The following CACNA1C variants were observed in gnomAD, a reference collection of about 807,000 sequenced individuals.
CACNA1C encodes voltage-dependent L-type calcium channel subunit alpha-1C.
CACNA1C carries 30 observed loss-of-function variants against 229.0 expected under a neutral mutation model. That is an observed-to-expected ratio of 0.13 (90% confidence interval 0.10 to 0.18). CACNA1C has a LOEUF of 0.18. Ranked by LOEUF, CACNA1C falls within the 10% of genes least tolerant of loss-of-function variation. The pLI, the probability that CACNA1C is intolerant of heterozygous loss-of-function variation, is 1.00. For missense variants in CACNA1C, 1,658 were observed against 2,845.0 expected, an observed-to-expected ratio of 0.58 and a Z score of 9.49; for synonymous variants, 1,114 against 1,132.5, an observed-to-expected ratio of 0.98 and a Z score of 0.33.
rs533190989 is a variant in CACNA1C, at chr12:2,586,800, G to A, written c.2530+896G>A. On this transcript the variant is annotated intron_variant, in intron 18 of 46. Transcript: ENST00000399655. ...CATCCTTGGGAACCAGACTCCCTGT[G>A]GTCACACCATCCTCACTCCCCTCCT... Among the ~76,000 whole-genome samples the A allele has an allele frequency of 3.3e-5, 5 of 152,256 alleles. No individual in the cohort carries two copies. The East Asian group carries it at 5.8e-4, about 18-fold the overall frequency.
At chr12:2,555,874 G>A (rs1382221719) in intron 10 of CACNA1C, among the ~76,000 whole-genome samples, 2 of 152,054 alleles carry the variant, frequency 1.3e-5, no homozygotes, top group African/African-American at 2.4e-5. Context: ...GCTGTGTGCC[G>A]CGCTGGGACG....
chr12:2,604,184 G>T (rs747832041), intron 22 of CACNA1C, among the ~76,000 whole-genome samples: 1 of 152,200 alleles, frequency 6.6e-6, no homozygotes, highest in Non-Finnish European at 1.5e-5. Context: ...TTGAGGAAAC[G>T]GGGTTCTGGG....
chr12:2,113,158 G>T (rs562101370), intron 1 of CACNA1C, among the ~76,000 whole-genome samples: 1 of 152,302 alleles, frequency 6.6e-6, no homozygotes, highest in South Asian at 2.1e-4. Flanking sequence ...CCTGCGTGTG[G>T]CTCAGGTAAG....
At chr12:2,682,109 C>A in intron 42 of CACNA1C, 2 of 1,026,828 alleles carry the variant, frequency 1.9e-6, no homozygotes, top group Non-Finnish European at 3.0e-6. Flanking sequence ...GAATCAAGGG[C>A]ACCATCAAAA....
intron 3 of CACNA1C, among the ~76,000 whole-genome samples, chr12:2,359,197 TC>T (rs2097484599): frequency 6.6e-6 from 1 of 152,230 alleles, no homozygotes; most frequent in Non-Finnish European, 1.5e-5. Flanking sequence ...GCTCTCTGGT[TC>T]CCACATTCGA....
intron 29 of CACNA1C, among the ~76,000 whole-genome samples, chr12:2,619,152 C>A (rs1483649777): frequency 2.0e-5 from 3 of 152,212 alleles, no homozygotes; most frequent in Non-Finnish European, 2.9e-5. Flanking sequence ...CTTGAACCAG[C>A]CAGGGCTGAG....
intron 3 of CACNA1C, among the ~76,000 whole-genome samples, chr12:2,136,151 C>G (rs932072724): frequency 2.6e-5 from 4 of 151,446 alleles, no homozygotes; most frequent in Non-Finnish European, 5.9e-5. Context: ...GGCAATGCCT[C>G]GCCCTGCTTT....
intron 3 of CACNA1C, among the ~76,000 whole-genome samples, chr12:2,334,994 C>G (rs1437788001): frequency 1.3e-5 from 2 of 152,158 alleles, no homozygotes; most frequent in Admixed American, 1.3e-4. Context: ...ATCCAATGGC[C>G]CCAGGCTGAG....
chr12:2,615,358 A>G (rs780692906), intron 29 of CACNA1C, among the ~76,000 whole-genome samples: 4 of 152,272 alleles, frequency 2.6e-5, no homozygotes, highest in Non-Finnish European at 5.9e-5. Context: ...ACTGAAAAAT[A>G]TGCAATGCCT....
chr12:2,304,626 G>A (rs1437865280), intron 3 of CACNA1C, among the ~76,000 whole-genome samples: 1 of 151,968 alleles, frequency 6.6e-6, no homozygotes, highest in African/African-American at 2.4e-5. Context: ...TCTCTGTAAA[G>A]GCACAGAGAG....
chr12:2,450,423 G>A (rs904314843), intron 4 of CACNA1C, among the ~76,000 whole-genome samples: 24 of 151,634 alleles, frequency 1.6e-4, no homozygotes, highest in East Asian at 9.8e-4. Context: ...GCGAGGTGGC[G>A]GGCGCCTGTA....
At chr12:2,256,147 A>G (rs572031108) in intron 3 of CACNA1C, among the ~76,000 whole-genome samples, 3 of 152,204 alleles carry the variant, frequency 2.0e-5, no homozygotes, top group Non-Finnish European at 4.4e-5. Context: ...GAGGAATATC[A>G]TAAATGCAAA....
intron 1 of CACNA1C, among the ~76,000 whole-genome samples, chr12:2,008,663 G>C (rs1190160594): frequency 6.6e-6 from 1 of 152,140 alleles, no homozygotes; most frequent in Non-Finnish European, 1.5e-5. Flanking sequence ...AGCAAGTCCT[G>C]TTCTCTCAGA....
Position 2,652,115 on chromosome 12 carries a change from A to G in CACNA1C, c.4074+347A>G, listed in dbSNP as rs117923210. On this transcript the variant is annotated intron_variant, in intron 32 of 46. Coordinates refer to ENST00000399655, the MANE Select transcript of CACNA1C (RefSeq NM_000719.7). ...GTGGTAAGGAACAAACCTGAAAAAC[A>G]CGGGCCTGGACAACCTGGTGACCGC... is the stretch of plus-strand genomic sequence containing the variant. 2.2e-4 allele frequency among the ~76,000 whole-genome samples: 34 copies of G among 152,362 alleles called. No individual in the cohort carries two copies. In the East Asian group the frequency reaches 4.6e-3, roughly 21 times the overall value.
At chr12:2,325,251 T>C (rs2096239493) in intron 3 of CACNA1C, among the ~76,000 whole-genome samples, 1 of 152,188 alleles carries the variant, frequency 6.6e-6, no homozygotes, top group Non-Finnish European at 1.5e-5. Context: ...CTATCTGGTC[T>C]CGAGACCCAT....
intron 1 of CACNA1C, among the ~76,000 whole-genome samples, chr12:2,063,447 C>G (rs528837929): frequency 6.6e-6 from 1 of 152,308 alleles, no homozygotes; most frequent in South Asian, 2.1e-4. Flanking sequence ...CTGTGCCCAG[C>G]CAACAGCAAT....
intron 30 of CACNA1C, among the ~76,000 whole-genome samples, chr12:2,634,906 C>T (rs1031486044): frequency 6.6e-6 from 1 of 152,204 alleles, no homozygotes; most frequent in Non-Finnish European, 1.5e-5. Flanking sequence ...AGCCCACCCT[C>T]GCCCAAGGAC....
chr12:2,496,863 A>G (rs1310599696), intron 7 of CACNA1C, among the ~76,000 whole-genome samples: 2 of 152,194 alleles, frequency 1.3e-5, no homozygotes, highest in Non-Finnish European at 2.9e-5. Flanking sequence ...TTTCCTTAGG[A>G]AATTACTTCT....
Position 2,129,009 on chromosome 12 carries a change from C to T in CACNA1C, c.477+8579C>T, listed in dbSNP as rs529699872. Among the ~76,000 whole-genome samples, 7 of 152,316 alleles carry T rather than the reference C, an allele frequency of 4.6e-5. No homozygotes were observed. In the South Asian group the frequency reaches 1.5e-3, roughly 32 times the overall value. ...TTAGCCATTCTGCTACAGCTGCCTC[C>T]TTGTGTGGTAAGGTGCTCCGTGAGT... On this transcript the variant is annotated intron_variant, in intron 3 of 46. Coordinates refer to ENST00000399655, the MANE Select transcript of CACNA1C (RefSeq NM_000719.7).
Sources: allele counts gnomAD v4.1 joint callset (sites outside exome capture counted in the v4.1 genomes callset), GRCh38; gene constraint gnomAD v4.1.1; transcripts MANE v1.5; gene names NCBI Gene and HGNC (gene_info 2026-07-23, HGNC 2026-07-21).